The following EPHB2 variants were observed in gnomAD, a reference collection of about 807,000 sequenced individuals.
EPHB2 encodes ephrin type-B receptor 2.
Under a neutral mutation model 96.4 loss-of-function variants are expected in EPHB2, and 18 were observed. The ratio of observed to expected loss-of-function variants is 0.19; its 90% CI spans 0.13 to 0.28. The LOEUF is 0.28. Ranked by LOEUF, EPHB2 falls within the 10% of genes least tolerant of loss-of-function variation. EPHB2 has a pLI of 1.00. For missense variants in EPHB2, 989 were observed against 1,355.4 expected, an observed-to-expected ratio of 0.73 and a Z score of 4.25; for synonymous variants, 506 against 534.1, an observed-to-expected ratio of 0.95 and a Z score of 0.72.
At chr1:22,896,662 A>G (rs1202280975) in intron 9 of EPHB2, among the ~76,000 whole-genome samples, 184 bp downstream of exon 9, 1 of 152,096 alleles carries the variant, frequency 6.6e-6, no homozygotes, top group Admixed American at 6.6e-5. Flanking sequence ...CTCTGCCTCA[A>G]GCGCTCTCCC....
chr1:22,819,336 G>T (rs1409939476), intron 3 of EPHB2, among the ~76,000 whole-genome samples: 3 of 151,202 alleles, frequency 2.0e-5, no homozygotes, highest in African/African-American at 7.3e-5. Flanking sequence ...CTCTCTGGCA[G>T]CCCCTCCTTT....
intron 6 of EPHB2, among the ~76,000 whole-genome samples, chr1:22,884,481 G>A (rs184573641): frequency 4.6e-5 from 7 of 152,162 alleles, no homozygotes; most frequent in East Asian, 1.9e-4. Context: ...TTAGCCCGGC[G>A]TGGTGGTGCA....
At position 22,910,453 on chromosome 1, in the gene EPHB2, C is replaced by A. The variant is rs770058574; in HGVS notation, c.2574C>A (p.Leu858=). ...PMDCPSALHQ[L]MLDCWQKDRN... ...ACTGCCCGAGCGCCCTGCACCAACT[C>A]ATGCTGGACTGTTGGCAGAAGGACC... Residue 858 remains leucine (L), a synonymous_variant, in exon 14 of 16, where the codon CTC becomes CTA. Transcript: ENST00000374630. 4 of 1,614,222 alleles carry A rather than the reference C, an allele frequency of 2.5e-6. No individual in the cohort carries two copies. Among genetic ancestry groups the A allele is most frequent in the Middle Eastern group, 1.6e-4 (1 of 6,062 alleles).
chr1:22,870,797 G>T (rs1638638686), intron 5 of EPHB2, among the ~76,000 whole-genome samples: 1 of 152,218 alleles, frequency 6.6e-6, no homozygotes, highest in East Asian at 1.9e-4. Flanking sequence ...GAATCAGGCA[G>T]CCGAACCTGG....
intron 1 of EPHB2, among the ~76,000 whole-genome samples, chr1:22,755,071 G>C (rs1644128398): frequency 6.6e-6 from 1 of 152,150 alleles, no homozygotes; most frequent in African/African-American, 2.4e-5. Context: ...TTTCAGAGAG[G>C]TGGAGAGGTG....
At chr1:22,749,257 G>T (rs1416399608) in intron 1 of EPHB2, among the ~76,000 whole-genome samples, 2 of 152,192 alleles carry the variant, frequency 1.3e-5, no homozygotes, top group African/African-American at 2.4e-5. Flanking sequence ...CTGACCTCAA[G>T]CGATCTGCCC....
At chr1:22,871,148 C>T (rs959818388) in intron 5 of EPHB2, among the ~76,000 whole-genome samples, 3 of 152,142 alleles carry the variant, frequency 2.0e-5, no homozygotes, top group Admixed American at 6.5e-5. Flanking sequence ...GAAAGGAAAG[C>T]GAGGCATTGA....
At chr1:22,823,235 C>T (rs573767010) in intron 3 of EPHB2, among the ~76,000 whole-genome samples, 12 of 152,334 alleles carry the variant, frequency 7.9e-5, no homozygotes, top group African/African-American at 2.9e-4. Flanking sequence ...GTGCAAATGG[C>T]GGTTAGCTGG....
chr1:22,894,115 C>T (rs1232371758), intron 7 of EPHB2, among the ~76,000 whole-genome samples: 3 of 152,210 alleles, frequency 2.0e-5, no homozygotes, highest in African/African-American at 7.2e-5. Context: ...CTTTTTTCAC[C>T]TCTCTAAGCC....
chr1:22,754,951 C>CAGGTGAGATGAGAT (rs1644125664), intron 1 of EPHB2, among the ~76,000 whole-genome samples: 1 of 12,886 alleles, frequency 7.8e-5, no homozygotes, highest in Non-Finnish European at 1.6e-4. Flanking sequence ...GGAGGTGAGG[C>CAGGTGAGATGAGAT]GAGGGGCAGG....
intron 3 of EPHB2, among the ~76,000 whole-genome samples, chr1:22,837,919 T>G (rs1172151907): frequency 6.6e-6 from 1 of 152,140 alleles, no homozygotes; most frequent in Non-Finnish European, 1.5e-5. Context: ...TCCCTCCCTT[T>G]CTAGGCCTCC....
Position 22,865,076 on chromosome 1 carries a change from C to T in EPHB2, c.1167C>T (p.Thr389=), listed in dbSNP as rs529601879. 1.4e-5 allele frequency: 23 copies of T among 1,614,194 alleles called. No individual in the cohort carries two copies. In the East Asian group the frequency reaches 3.1e-4, roughly 22 times the overall value. The change falls in exon 5 of 16, where the codon ACC becomes ACT. Residue 389 remains threonine (T), a synonymous_variant. Coordinates refer to ENST00000374630, the MANE Select transcript of EPHB2 (RefSeq NM_017449.5). ...VQYAPRQLGL[T]EPRIYISDLL... is the part of the protein sequence containing the mutation. ...ACGCACCACGCCAGCTAGGCCTGAC[C>T]GAGCCACGCATTTACATCAGTGACC...
chr1:22,891,806 A>C (rs1407464579), intron 6 of EPHB2, among the ~76,000 whole-genome samples: 1 of 124,424 alleles, frequency 8.0e-6, no homozygotes, highest in African/African-American at 2.8e-5. Context: ...TTGTTGTTGT[A>C]TTTTTTTAGA....
At chr1:22,721,069 G>A (rs1007153381) in intron 1 of EPHB2, among the ~76,000 whole-genome samples, 1 of 152,176 alleles carries the variant, frequency 6.6e-6, no homozygotes, top group African/African-American at 2.4e-5. Flanking sequence ...ATGAAAGACC[G>A]GGTAAGGGGG....
chr1:22,815,921 G>A (rs1054622229), intron 3 of EPHB2, among the ~76,000 whole-genome samples: 1 of 152,134 alleles, frequency 6.6e-6, no homozygotes, highest in South Asian at 2.1e-4. Flanking sequence ...ATGTCCATCG[G>A]GCATCTGCTG....
chr1:22,791,745 G>T (rs1443826041), intron 3 of EPHB2, among the ~76,000 whole-genome samples: 1 of 152,170 alleles, frequency 6.6e-6, no homozygotes, highest in Non-Finnish European at 1.5e-5. Context: ...CTGCTCTGTT[G>T]ATTGACAGAT....
chr1:22,878,226 C>A (rs1300250440), intron 5 of EPHB2, among the ~76,000 whole-genome samples: 1 of 152,114 alleles, frequency 6.6e-6, no homozygotes, highest in Non-Finnish European at 1.5e-5. Context: ...AACGGAGCAG[C>A]CTCTGCTGAA....
intron 9 of EPHB2, among the ~76,000 whole-genome samples, chr1:22,900,309 G>T (rs1042806549): frequency 2.0e-5 from 3 of 152,094 alleles, no homozygotes; most frequent in African/African-American, 7.2e-5. Flanking sequence ...AAAAGAAAAA[G>T]AAAGATTATA....
Position 22,912,427 on chromosome 1 carries a change from C to T in EPHB2, c.2697-17C>T. On this transcript the variant is annotated splice_polypyrimidine_tract_variant and intron_variant, in intron 14 of 15. Coordinates refer to ENST00000374630, the MANE Select transcript of EPHB2 (RefSeq NM_017449.5). ...ACAGGTGCCCTGACCATCTCTGTCG[C>T]CCACCCCCAACCCCAGCATCAACCT... 1 of 1,613,756 alleles carries T rather than the reference C, an allele frequency of 6.2e-7. No individual in the cohort carries two copies.
Sources: allele counts gnomAD v4.1 joint callset (sites outside exome capture counted in the v4.1 genomes callset), GRCh38; gene constraint gnomAD v4.1.1; transcripts MANE v1.5; gene names NCBI Gene and HGNC (gene_info 2026-07-23, HGNC 2026-07-21).